MYO9B: variants seen among roughly 807,000 people sequenced by gnomAD.
The protein encoded by MYO9B is unconventional myosin-IXb.
Under a neutral mutation model 229.5 loss-of-function variants are expected in MYO9B, and 71 were observed. That is an observed-to-expected ratio of 0.31 (90% confidence interval 0.26 to 0.38). The LOEUF (loss-of-function observed/expected upper bound fraction) is 0.38, where lower values mean the gene tolerates loss of function less well. Ranked by LOEUF, MYO9B falls within the 10% of genes least tolerant of loss-of-function variation. The pLI, the probability that MYO9B is intolerant of heterozygous loss-of-function variation, is 1.00. For synonymous variants in MYO9B, 1,185 were observed against 1,235.8 expected (o/e 0.96, Z 0.86); for missense variants, 2,255 against 2,920.5 (o/e 0.77, Z 5.25).
At chr19:17,187,604 G>T (rs1353053543) in intron 18 of MYO9B, among the ~76,000 whole-genome samples, 1 of 145,154 alleles carries the variant, frequency 6.9e-6, no homozygotes, top group Admixed American at 7.2e-5. Context: ...TAAATGACTA[G>T]AGATGGAGTC....
intron 14 of MYO9B, among the ~76,000 whole-genome samples, chr19:17,178,828 A>T (rs552796890): frequency 6.6e-6 from 1 of 151,972 alleles, no homozygotes; most frequent in South Asian, 2.1e-4. Flanking sequence ...GAGGATGGGA[A>T]TTCAAGACCA....
chr19:17,170,554 G>A (rs1024274629), intron 11 of MYO9B, among the ~76,000 whole-genome samples: 7 of 146,260 alleles, frequency 4.8e-5, no homozygotes, highest in Non-Finnish European at 7.5e-5. Flanking sequence ...GCTCCCACCT[G>A]TAATTCCAAC....
intron 19 of MYO9B, among the ~76,000 whole-genome samples, chr19:17,188,289 T>C: frequency 6.6e-6 from 1 of 151,454 alleles, no homozygotes; most frequent in East Asian, 1.9e-4. Flanking sequence ...ATTAGCCGGG[T>C]GTGGCAGCAG....
chr19:17,142,265 A>G (rs892176812), intron 2 of MYO9B, among the ~76,000 whole-genome samples: 2 of 151,998 alleles, frequency 1.3e-5, no homozygotes, highest in African/African-American at 4.8e-5. Flanking sequence ...AGGCAAATCC[A>G]TAGAGACAGG....
chr19:17,197,841 T>C lies in MYO9B; in HGVS notation c.4096T>C (p.Ser1366Pro). 6.2e-7 allele frequency: 1 copy of C among 1,613,360 alleles called. No individual in the cohort carries two copies. Among genetic ancestry groups the C allele is most frequent in the South Asian group, 1.1e-5 (1 of 91,056 alleles). Residue 1366 changes from serine (S) to proline (P), a missense_variant, in exon 23 of 40, where the codon TCC becomes CCC. Ser to Pro is a moderately conservative substitution (Grantham distance 74). This residue lies in a region of MYO9B where 679 missense variants were observed against 770.2 expected (regional missense o/e 0.88). Transcript: ENST00000682292. The part of the protein sequence containing the change: ...STSDVSKLLP[S>P]LAKAQPAAET... Reference sequence around the variant, plus strand: ...GAGCGACGTCTCCAAGCTCCTCCCGTCCCTGGCCAAGGCTCAGGTAACAAC... The same window carrying C: ...GAGCGACGTCTCCAAGCTCCTCCCGCCCCTGGCCAAGGCTCAGGTAACAAC...
chr19:17,211,940 G>GCCCCCACCCCACCCTGGCC lies in MYO9B; in HGVS notation c.6109_6110insACCCCACCCTGGCCCCCCC (p.Leu2037HisfsTer169). Reference sequence around the variant, plus strand: ...CCTTGCCCCGGCGCGCCCACCCCGAGCCCCCTCCCCACCGTGGCCGCCCCT... The same window carrying GCCCCCACCCCACCCTGGCC: ...CCTTGCCCCGGCGCGCCCACCCCGAGCCCCCACCCCACCCTGGCCCCCCCTCCCCACCGTGGCCGCCCCT... On this transcript the variant is annotated frameshift_variant, in exon 40 of 40. Transcript: ENST00000682292. LOFTEE classifies it low-confidence loss of function (END_TRUNC). 8.5e-7 allele frequency: 1 copy of GCCCCCACCCCACCCTGGCC among 1,183,086 alleles called. No individual in the cohort carries two copies. The allele number at this position is 1,183,086 out of a possible 1,614,324, so 73.3% of individuals were successfully genotyped here. A position where few individuals can be genotyped will look rare whatever the true frequency, so the allele number is the denominator to read the frequency against.
intron 2 of MYO9B, among the ~76,000 whole-genome samples, chr19:17,132,563 C>G (rs971202968): frequency 3.8e-5 from 5 of 133,038 alleles, no homozygotes; most frequent in African/African-American, 1.4e-4. Context: ...GAGTCTCGCT[C>G]TGTCGCCCAG....
chr19:17,086,228 C>A (rs1292193045), intron 1 of MYO9B, among the ~76,000 whole-genome samples: 1 of 152,172 alleles, frequency 6.6e-6, no homozygotes. Flanking sequence ...AAGATCTGAC[C>A]TTCCCCATCT....
At chr19:17,124,759 CAAA>C (rs35063637) in intron 2 of MYO9B, among the ~76,000 whole-genome samples, 120 of 79,148 alleles carry the variant, frequency 1.5e-3, no homozygotes, top group African/African-American at 5.0e-3. Flanking sequence ...GACTCTGTCT[CAAA>C]AAAAAAAAAA....
chr19:17,165,607 G>A (rs2072650776), intron 10 of MYO9B, among the ~76,000 whole-genome samples: 1 of 151,688 alleles, frequency 6.6e-6, no homozygotes, highest in African/African-American at 2.4e-5. Flanking sequence ...GAGTTTCTGC[G>A]AAAAAAAATT....
chr19:17,124,840 C>T (rs774620366), intron 2 of MYO9B, among the ~76,000 whole-genome samples: 36 of 150,938 alleles, frequency 2.4e-4, no homozygotes, highest in Non-Finnish European at 4.4e-4. Flanking sequence ...CGTATGTTAT[C>T]AGAATCCATG....
intron 1 of MYO9B, among the ~76,000 whole-genome samples, chr19:17,078,216 C>G (rs2057503846): frequency 6.6e-6 from 1 of 152,134 alleles, no homozygotes; most frequent in Non-Finnish European, 1.5e-5. Flanking sequence ...CACGCTAATG[C>G]CCGCCCCCGA....
intron 2 of MYO9B, among the ~76,000 whole-genome samples, chr19:17,132,648 C>A (rs1156750955): frequency 6.8e-6 from 1 of 147,824 alleles, no homozygotes; most frequent in African/African-American, 2.5e-5. Flanking sequence ...CCTGCCTCAA[C>A]CTCCCGAGTA....
Position 17,203,164 on chromosome 19 carries a change from G to A in MYO9B, c.4896G>A (p.Gly1632=), listed in dbSNP as rs1392945454. The A allele has an allele frequency of 1.3e-6, 2 of 1,574,026 alleles. No homozygotes were observed. The highest frequency in any genetic ancestry group is 2.7e-5 in the African/African-American group (2 of 73,970). The part of the protein sequence containing the change: ...KQERAVQEHN[G]HVFASYQVSI... The stretch of plus-strand genomic sequence containing the variant: ...CCTCACAGGTCCAGGAGCACAACGG[G>A]CACGTGTTCGCCAGCTACCAGGTTA... Residue 1632 remains glycine (G), a synonymous_variant, in exon 30 of 40, where the codon GGG becomes GGA. Coordinates refer to ENST00000682292, the MANE Select transcript of MYO9B (RefSeq NM_004145.4).
intron 16 of MYO9B, 115 bp downstream of exon 16, chr19:17,183,983 C>G (rs2072889781): frequency 1.9e-6 from 2 of 1,044,608 alleles, no homozygotes; most frequent in Non-Finnish European, 2.8e-6. Flanking sequence ...CTATCTCCCC[C>G]TCCCTCCAAG....
In MYO9B at chr19:17,209,711, T is replaced by C. The variant is rs1176180100; in HGVS notation, c.5748+2T>C. ...CTTTCGCTCCTGCGACAAAATGCTG[T>C]GAGTACCGGTGATCGTGGGGGCGGG... On this transcript the variant is annotated splice_donor_variant, in intron 36 of 39. Coordinates refer to ENST00000682292, the MANE Select transcript of MYO9B (RefSeq NM_004145.4). LOFTEE classifies it high-confidence loss of function. The C allele has an allele frequency of 6.2e-7, 1 of 1,613,712 alleles. No homozygotes were observed.
intron 10 of MYO9B, among the ~76,000 whole-genome samples, chr19:17,167,631 A>G (rs1369228453): frequency 1.3e-5 from 2 of 151,754 alleles, no homozygotes; most frequent in Non-Finnish European, 2.9e-5. Flanking sequence ...AGGCTTGTGC[A>G]ACCACGCCTG....
chr19:17,194,746 G>A lies in MYO9B; in HGVS notation c.3319G>A (p.Asp1107Asn). The A allele has an allele frequency of 6.2e-7, 1 of 1,613,116 alleles. No individual in the cohort carries two copies. Among genetic ancestry groups the A allele is most frequent in the Non-Finnish European group, 8.5e-7 (1 of 1,179,880 alleles). Reference sequence around the variant, plus strand: ...ATCGGAGCCTGAGGTGCAGCCAAGTGACAGGTCCCCCCTAGAGCACTCCTC... The same window carrying A: ...ATCGGAGCCTGAGGTGCAGCCAAGTAACAGGTCCCCCCTAGAGCACTCCTC... Reference protein sequence around the residue: ...LASEPEVQPSDRSPLEHSSPE... With the variant: ...LASEPEVQPSNRSPLEHSSPE... The change falls in exon 22 of 40, where the codon GAC (aspartate) becomes AAC (asparagine). Residue 1107 changes from aspartate to asparagine, a missense_variant. Physicochemically the swap from Asp to Asn is conservative, Grantham distance 23 (BLOSUM62 1). This residue lies in a region of MYO9B where 679 missense variants were observed against 770.2 expected (regional missense o/e 0.88). Transcript: ENST00000682292.
rs1341792806 is a variant in MYO9B, at chr19:17,210,693, AC to A, written c.5797-18del. 2.0e-6 allele frequency: 3 copies of A among 1,519,102 alleles called. No homozygotes were observed. In the African/African-American group the frequency reaches 4.2e-5, roughly 21 times the overall value. The allele number at this position is 1,519,102 out of a possible 1,614,324, so 94.1% of individuals were successfully genotyped here. Reference sequence around the variant, plus strand: ...TCGCCCACTCAGAGATGTCAGTGGGACCCCTTGCTTCTTTGTTTCAGAACAA... The same window carrying A: ...TCGCCCACTCAGAGATGTCAGTGGGACCCTTGCTTCTTTGTTTCAGAACAA... On this transcript the variant is annotated intron_variant, in intron 37 of 39. Transcript: ENST00000682292.
Sources: gnomAD v4.1 joint callset for allele counts (sites outside exome capture counted in the v4.1 genomes callset) on GRCh38, gnomAD v4.1.1 for gene constraint, gnomAD v4.1.1 regional missense constraint, MANE v1.5 for transcripts, NCBI Gene and HGNC (gene_info 2026-07-23, HGNC 2026-07-21) for gene names.